Variants in LRRC4C observed in about 807,000 individuals in gnomAD.
The protein encoded by LRRC4C is leucine-rich repeat-containing protein 4C.
A neutral mutation model predicts 33.6 loss-of-function variants in LRRC4C; 5 were observed. The observed-to-expected ratio is 0.15, with a 90% confidence interval of 0.08 to 0.31. The LOEUF is 0.31. LRRC4C is among the 10% of genes least tolerant of loss of function. LRRC4C has a pLI of 1.00. For synonymous variants in LRRC4C, 329 were observed against 302.0 expected (o/e 1.09, Z -0.93); for missense variants, 560 against 796.7 (o/e 0.70, Z 3.58).
rs150324060 is a variant in LRRC4C, at chr11:41,405,566, G to A, written c.-496+53865C>T. On this transcript the variant is annotated intron_variant, in intron 1 of 6. Coordinates refer to ENST00000528697, the MANE Select transcript of LRRC4C (RefSeq NM_001258419.2). Reference sequence around the variant, plus strand: ...TACTTACATGGTTGATAGTAAAGGAGAAGAAACTAAAGGATATAAAGAGTA... The same window carrying A: ...TACTTACATGGTTGATAGTAAAGGAAAAGAAACTAAAGGATATAAAGAGTA... Among the ~76,000 whole-genome samples, 11 of 152,194 alleles carry A rather than the reference G, an allele frequency of 7.2e-5. No individual in the cohort carries two copies. The East Asian group carries it at 1.9e-3, about 27-fold the overall frequency.
chr11:40,581,897 T>C (rs1958485099), intron 3 of LRRC4C, among the ~76,000 whole-genome samples: 1 of 152,262 alleles, frequency 6.6e-6, no homozygotes, highest in South Asian at 2.1e-4. Context: ...AGCGAGACTC[T>C]GTCTCTAAAT....
At chr11:41,277,867 C>A (rs779450993) in intron 1 of LRRC4C, among the ~76,000 whole-genome samples, 1 of 151,706 alleles carries the variant, frequency 6.6e-6, no homozygotes, top group Admixed American at 6.6e-5. Context: ...CATAAGCACA[C>A]GTTAGAATCA....
At chr11:40,555,763 A>T (rs967931856) in intron 3 of LRRC4C, among the ~76,000 whole-genome samples, 10 of 152,202 alleles carry the variant, frequency 6.6e-5, no homozygotes, top group Non-Finnish European at 1.3e-4. Context: ...AAGCCCTAGA[A>T]TTCAAAGGGT....
At chr11:40,163,157 C>T (rs6485185) in intron 5 of LRRC4C, among the ~76,000 whole-genome samples, 22,538 of 152,226 alleles carry the variant, frequency 0.15, 2,189 homozygotes, top group Non-Finnish European at 0.21. Context: ...CCAGAAAGCA[C>T]AGTGCATCCT....
chr11:41,057,928 A>T (rs1003594949), intron 1 of LRRC4C, among the ~76,000 whole-genome samples: 1 of 152,178 alleles, frequency 6.6e-6, no homozygotes, highest in Non-Finnish European at 1.5e-5. Context: ...CCCTGGGAAC[A>T]GAAAGGAGCT....
At position 41,002,204 on chromosome 11, in the gene LRRC4C, T is replaced by C. The variant is rs550702406; in HGVS notation, c.-495-68481A>G. Among the ~76,000 whole-genome samples the C allele has an allele frequency of 4.7e-4, 72 of 152,282 alleles. 1 individual carries two copies. Among genetic ancestry groups the C allele is most frequent in the Middle Eastern group, 6.8e-3 (2 of 294 alleles). On this transcript the variant is annotated intron_variant, in intron 1 of 6. Transcript: ENST00000528697. Reference sequence around the variant, plus strand: ...GTAACAGACCTCTGATGGAGTCTCATGGAGTAAAGAGGACTATGCATGTAA... The same window carrying C: ...GTAACAGACCTCTGATGGAGTCTCACGGAGTAAAGAGGACTATGCATGTAA...
intron 2 of LRRC4C, among the ~76,000 whole-genome samples, chr11:40,652,653 G>A (rs1337749670): frequency 6.6e-6 from 1 of 152,234 alleles, no homozygotes; most frequent in African/African-American, 2.4e-5. Context: ...CCAGCTAGGA[G>A]CAGGGCTGGA....
chr11:40,692,342 G>A (rs1010706621), intron 2 of LRRC4C, among the ~76,000 whole-genome samples: 8 of 151,994 alleles, frequency 5.3e-5, no homozygotes, highest in Non-Finnish European at 1.2e-4. Context: ...AAAGAGCAGT[G>A]TCTCTCCACT....
At chr11:40,675,240 A>G (rs1485520511) in intron 2 of LRRC4C, among the ~76,000 whole-genome samples, 1 of 152,182 alleles carries the variant, frequency 6.6e-6, no homozygotes, top group Non-Finnish European at 1.5e-5. Flanking sequence ...CAGAAAGTGT[A>G]TCTACTTAAG....
chr11:40,381,592 A>T (rs542672732), intron 3 of LRRC4C, among the ~76,000 whole-genome samples: 1 of 152,140 alleles, frequency 6.6e-6, no homozygotes, highest in Non-Finnish European at 1.5e-5. Context: ...TCACAAGCAT[A>T]AACTGATTAT....
At chr11:40,469,322 A>G (rs1952808367) in intron 3 of LRRC4C, among the ~76,000 whole-genome samples, 1 of 152,158 alleles carries the variant, frequency 6.6e-6, no homozygotes, top group South Asian at 2.1e-4. Flanking sequence ...ATGAGGGACC[A>G]TGCCGTGAGG....
At chr11:41,067,862 A>G (rs1938371720) in intron 1 of LRRC4C, among the ~76,000 whole-genome samples, 1 of 152,112 alleles carries the variant, frequency 6.6e-6, no homozygotes, top group Non-Finnish European at 1.5e-5. Context: ...ACCAATGAGA[A>G]CAGAGAGACA....
At chr11:40,735,897 C>A in intron 2 of LRRC4C, among the ~76,000 whole-genome samples, 1 of 151,458 alleles carries the variant, frequency 6.6e-6, no homozygotes, top group Non-Finnish European at 1.5e-5. Flanking sequence ...ATTTGCATTT[C>A]TCTGATGGCC....
At chr11:41,357,364 A>T (rs923606617) in intron 1 of LRRC4C, among the ~76,000 whole-genome samples, 3 of 152,206 alleles carry the variant, frequency 2.0e-5, no homozygotes, top group Non-Finnish European at 4.4e-5. Context: ...TTTCATGACA[A>T]TGTGAAACAG....
Position 41,207,401 on chromosome 11 carries a change from A to C in LRRC4C, c.-496+252030T>G, listed in dbSNP as rs112950760. Reference sequence around the variant, plus strand: ...TGTAATCTCATCTATTATAAACTGAATATCTTCCCCACCCAGAAATTCATT... The same window carrying C: ...TGTAATCTCATCTATTATAAACTGACTATCTTCCCCACCCAGAAATTCATT... On this transcript the variant is annotated intron_variant, in intron 1 of 6. Coordinates refer to ENST00000528697, the MANE Select transcript of LRRC4C (RefSeq NM_001258419.2). 8.0e-3 allele frequency among the ~76,000 whole-genome samples: 1,222 copies of C among 152,230 alleles called. 15 individuals carry two copies. Among genetic ancestry groups the C allele is most frequent in the African/African-American group, 0.027 (1,130 of 41,526 alleles).
At chr11:40,585,256 C>A (rs1398737021) in intron 3 of LRRC4C, among the ~76,000 whole-genome samples, 1 of 152,132 alleles carries the variant, frequency 6.6e-6, no homozygotes, top group Non-Finnish European at 1.5e-5. Flanking sequence ...AATCGGAAGA[C>A]TAGATAGCTT....
intron 1 of LRRC4C, among the ~76,000 whole-genome samples, chr11:41,131,069 A>G (rs1942988592): frequency 6.6e-6 from 1 of 152,052 alleles, no homozygotes; most frequent in Admixed American, 6.6e-5. Flanking sequence ...TAACCATACA[A>G]CCAATTTGTA....
chr11:40,336,925 C>T (rs1179776871), intron 3 of LRRC4C, among the ~76,000 whole-genome samples: 1 of 130,906 alleles, frequency 7.6e-6, no homozygotes, highest in Non-Finnish European at 1.5e-5. Flanking sequence ...TGCAGTGAGC[C>T]GAGATTGCAC....
intron 3 of LRRC4C, among the ~76,000 whole-genome samples, chr11:40,401,510 A>G (rs72895062): frequency 0.074 from 11,310 of 152,184 alleles, 468 homozygotes; most frequent in Admixed American, 0.091. Flanking sequence ...AACATTCTGT[A>G]TTAGAAGTTC....
Sources: allele counts gnomAD v4.1 joint callset (sites outside exome capture counted in the v4.1 genomes callset), GRCh38; gene constraint gnomAD v4.1.1; transcripts MANE v1.5; gene names NCBI Gene and HGNC (gene_info 2026-07-23, HGNC 2026-07-21).